Variants in AFF4 observed in about 807,000 individuals in gnomAD.
AFF4 encodes AF4/FMR2 family member 4.
AFF4 carries 13 observed loss-of-function variants against 124.8 expected under a neutral mutation model. That is an observed-to-expected ratio of 0.10 (90% confidence interval 0.07 to 0.17). The LOEUF is 0.17. Ranked by LOEUF, AFF4 falls within the 10% of genes least tolerant of loss-of-function variation. The probability of loss-of-function intolerance (pLI) is 1.00; values close to 1 mark genes in which losing one functional copy is unlikely to be tolerated. For synonymous variants in AFF4, 477 were observed against 496.1 expected, an observed-to-expected ratio of 0.96 and a Z score of 0.51; for missense variants, 1,092 against 1,403.8, an observed-to-expected ratio of 0.78 and a Z score of 3.55.
chr5:132,919,639 T>C (rs1184668860), intron 5 of AFF4, among the ~76,000 whole-genome samples: 3 of 152,072 alleles, frequency 2.0e-5, no homozygotes, highest in Non-Finnish European at 4.4e-5. Context: ...CATTTAAGCT[T>C]AGGAGTTCGA....
intron 8 of AFF4, 129 bp from the exon 9 acceptor site, chr5:132,899,270 T>C (rs1287066669): frequency 2.4e-6 from 2 of 838,830 alleles, no homozygotes; most frequent in East Asian, 2.6e-5. Context: ...ATTTAGCACT[T>C]ATACTGTTTT....
At chr5:132,914,166 T>C (rs1349176423) in intron 5 of AFF4, among the ~76,000 whole-genome samples, 1 of 151,738 alleles carries the variant, frequency 6.6e-6, no homozygotes, top group African/African-American at 2.4e-5. Flanking sequence ...AGGTGGAGGT[T>C]ACAATGATTC....
At chr5:132,939,878 T>A (rs888966001) in intron 1 of AFF4, among the ~76,000 whole-genome samples, 2 of 151,912 alleles carry the variant, frequency 1.3e-5, no homozygotes, top group African/African-American at 2.4e-5. Context: ...CCTCTCAAAG[T>A]GCTGGGATTA....
At chr5:132,907,680 ACT>A (rs1214927663) in intron 5 of AFF4, among the ~76,000 whole-genome samples, 1 of 152,144 alleles carries the variant, frequency 6.6e-6, no homozygotes, top group Admixed American at 6.5e-5. Flanking sequence ...TCCCTGAGGA[ACT>A]GCCATTCAGA....
intron 5 of AFF4, among the ~76,000 whole-genome samples, chr5:132,917,857 T>C (rs948513150): frequency 1.3e-5 from 2 of 150,406 alleles, no homozygotes; most frequent in African/African-American, 4.9e-5. Context: ...GGATTACAGG[T>C]GTGTGCCACC....
chr5:132,935,061 T>C (rs917076032), intron 2 of AFF4, 120 bp from the exon 3 acceptor site: 11 of 735,254 alleles, frequency 1.5e-5, no homozygotes, highest in Admixed American at 1.4e-4. Flanking sequence ...AGGCTTTACC[T>C]CATATCTTAA....
rs1026450104 is a variant in AFF4 at position 132,880,933 on chromosome 5, T to C, written c.*126A>G. On this transcript the variant is annotated 3_prime_UTR_variant, in exon 21 of 21. Coordinates refer to ENST00000265343, the MANE Select transcript of AFF4 (RefSeq NM_014423.4). ...TTGGATTATCAAAAACAACAACACA[T>C]GAACCAACGAGGAGAAAACTATTCC... 32 of 1,260,158 alleles carry C rather than the reference T, an allele frequency of 2.5e-5. No individual in the cohort carries two copies. Among genetic ancestry groups the C allele is most frequent in the Non-Finnish European group, 3.4e-5 (31 of 922,188 alleles). 78.1% of individuals were successfully genotyped at this position (1,260,158 alleles called of 1,614,324 possible).
rs991892625 is a variant in AFF4 at position 132,879,599 on chromosome 5, TA to T, written c.*1459del. ...TGGTCCTAGTGTAAAACTTCATTTG[TA>T]AACAATCCATAGAGTCTTCATTTAA... On this transcript the variant is annotated 3_prime_UTR_variant, in exon 21 of 21. Transcript: ENST00000265343. 1.0e-4 allele frequency: 21 copies of T among 208,078 alleles called. No individual in the cohort carries two copies. Among genetic ancestry groups the T allele is most frequent in the African/African-American group, 4.8e-4 (21 of 44,074 alleles). 12.9% of individuals were successfully genotyped at this position (208,078 alleles called of 1,614,324 possible). A position where few individuals can be genotyped will look rare whatever the true frequency, so the allele number is the denominator to read the frequency against.
chr5:132,898,159 C>G (rs979034900), intron 10 of AFF4, 71 bp downstream of exon 10: 1 of 1,535,266 alleles, frequency 6.5e-7, no homozygotes, highest in African/African-American at 1.4e-5. Flanking sequence ...ATATTTGGAT[C>G]AGGTTTTAAA....
At chr5:132,894,516 G>C (rs1386504559) in intron 11 of AFF4, among the ~76,000 whole-genome samples, 1 of 152,174 alleles carries the variant, frequency 6.6e-6, no homozygotes, top group African/African-American at 2.4e-5. Flanking sequence ...AAAAGAATCT[G>C]TTCCCCTATA....
At chr5:132,948,694 G>A in intron 1 of AFF4, 1 of 200,532 alleles carries the variant, frequency 5.0e-6, no homozygotes. Context: ...AAACCACCTG[G>A]TATCTGAAGC....
At chr5:132,945,803 G>GT (rs1287567450) in intron 1 of AFF4, among the ~76,000 whole-genome samples, 1 of 151,822 alleles carries the variant, frequency 6.6e-6, no homozygotes, top group Non-Finnish European at 1.5e-5. Flanking sequence ...GCTCGCGCCT[G>GT]TAATCCTAGC....
chr5:132,892,518 C>G, intron 12 of AFF4, 114 bp from the exon 13 acceptor site: 1 of 1,391,254 alleles, frequency 7.2e-7, no homozygotes, highest in Non-Finnish European at 9.7e-7. Context: ...CATTTGATTA[C>G]TAGGACACAT....
intron 5 of AFF4, among the ~76,000 whole-genome samples, chr5:132,912,895 G>A (rs1451759369): frequency 6.6e-6 from 1 of 151,556 alleles, no homozygotes; most frequent in African/African-American, 2.4e-5. Flanking sequence ...AAGGGCTGAT[G>A]AGACAGAGAA....
intron 9 of AFF4, 69 bp downstream of exon 9, chr5:132,899,035 T>A: frequency 7.3e-7 from 1 of 1,364,890 alleles, no homozygotes; most frequent in East Asian, 2.3e-5. Flanking sequence ...GGCCACTTAT[T>A]ATATCCCTGC....
At chr5:132,921,806 A>G (rs10051796) in intron 5 of AFF4, among the ~76,000 whole-genome samples, 79,075 of 151,772 alleles carry the variant, frequency 0.52, 20,964 homozygotes, top group East Asian at 0.71. Context: ...CCCCAGAGAG[A>G]GTCAGTCTCT....
chr5:132,922,056 A>C (rs66483023), intron 5 of AFF4, among the ~76,000 whole-genome samples: 1 of 151,996 alleles, frequency 6.6e-6, no homozygotes, highest in Non-Finnish European at 1.5e-5. Flanking sequence ...AAGTACTAGG[A>C]CTACAGGTGT....
intron 5 of AFF4, among the ~76,000 whole-genome samples, chr5:132,923,783 A>C (rs577565558): frequency 6.6e-6 from 1 of 152,312 alleles, no homozygotes; most frequent in East Asian, 1.9e-4. Flanking sequence ...CACTTACCCT[A>C]TGAACCAGCA....
At chr5:132,922,512 T>G (rs553946501) in intron 5 of AFF4, among the ~76,000 whole-genome samples, 87 of 152,336 alleles carry the variant, frequency 5.7e-4, no homozygotes, top group Non-Finnish European at 9.8e-4. Flanking sequence ...TTGGGCTCAG[T>G]GGTTCATGCC....
Sources: gnomAD v4.1 joint callset for allele counts (sites outside exome capture counted in the v4.1 genomes callset) on GRCh38, gnomAD v4.1.1 for gene constraint, MANE v1.5 for transcripts, NCBI Gene and HGNC (gene_info 2026-07-23, HGNC 2026-07-21) for gene names.